The following ADNP variants were observed in gnomAD, a reference collection of about 807,000 sequenced individuals.
ADNP encodes the protein activity-dependent neuroprotector homeobox protein.
Under a neutral mutation model 84.9 loss-of-function variants are expected in ADNP, and 4 were observed. The ratio of observed to expected loss-of-function variants is 0.05; its 90% CI spans 0.02 to 0.11. The LOEUF (loss-of-function observed/expected upper bound fraction) is 0.11, where lower values mean the gene tolerates loss of function less well. Among genes scored for constraint, ADNP ranks in the 10% least tolerant of loss-of-function variants. ADNP has a pLI of 1.00. For synonymous variants in ADNP, 554 were observed against 468.1 expected (o/e 1.18, Z -2.37); for missense variants, 1,132 against 1,326.0 (o/e 0.85, Z 2.27).
In ADNP at chr20:50,891,666, CTTT is replaced by C. The variant is rs761350619; in HGVS notation, c.3045_3047del (p.Lys1016del). 7.4e-6 allele frequency: 12 copies of C among 1,613,662 alleles called. No individual in the cohort carries two copies. Among genetic ancestry groups the C allele is most frequent in the Admixed American group, 1.7e-5 (1 of 59,944 alleles). On this transcript the variant is annotated inframe_deletion, in exon 6 of 6. Coordinates refer to ENST00000621696, the MANE Select transcript of ADNP (RefSeq NM_001282531.3). ...GCTCTCTGTCACCTTGCATGGTAGC[CTTT>C]TTTTTGGCAGCTGGCTTACTGCTCC...
At chr20:50,897,053 T>C (rs1362563621) in intron 5 of ADNP, among the ~76,000 whole-genome samples, 2 of 152,228 alleles carry the variant, frequency 1.3e-5, no homozygotes, top group East Asian at 1.9e-4. Context: ...GCGATTCTCC[T>C]GCCTCAGCCT....
chr20:50,904,264 C>T (rs986967924), intron 3 of ADNP: 7 of 402,478 alleles, frequency 1.7e-5, no homozygotes, highest in African/African-American at 4.1e-5. Context: ...ACTCATGGTT[C>T]ATTGACTGCA....
chr20:50,925,800 CT>C (rs2123003840), intron 2 of ADNP, among the ~76,000 whole-genome samples: 1 of 152,308 alleles, frequency 6.6e-6, no homozygotes, highest in Non-Finnish European at 1.5e-5. Context: ...ATCACAAGCT[CT>C]TACAAAACTA....
At chr20:50,914,488 C>A (rs925376651) in intron 2 of ADNP, 7 of 350,268 alleles carry the variant, frequency 2.0e-5, no homozygotes, top group South Asian at 5.5e-5. Context: ...ACATCATCTA[C>A]AAATGTTTTC....
At chr20:50,925,126 C>T (rs1310591850) in intron 2 of ADNP, among the ~76,000 whole-genome samples, 8 of 152,110 alleles carry the variant, frequency 5.3e-5, no homozygotes, top group Admixed American at 5.2e-4. Flanking sequence ...AATTAATACA[C>T]AGAGATGACA....
At chr20:50,905,845 T>C (rs1982423794) in intron 2 of ADNP, among the ~76,000 whole-genome samples, 2 of 152,246 alleles carry the variant, frequency 1.3e-5, no homozygotes, top group Admixed American at 1.3e-4. Context: ...CCAAATTTTA[T>C]TGCTAAATTG....
At chr20:50,917,858 G>C (rs1164480815) in intron 2 of ADNP, among the ~76,000 whole-genome samples, 2 of 152,042 alleles carry the variant, frequency 1.3e-5, no homozygotes, top group Middle Eastern at 3.2e-3. Context: ...CCACATAATG[G>C]GATATGATTG....
Position 50,931,406 on chromosome 20 carries a change from A to C in ADNP, c.-845T>G, listed in dbSNP as rs1305458483. ...CAAGCGCCTCGGACCGAGTCCCCGAACCTGCCCTAGCCAAAATGGCGGCCG... is the reference window on the plus strand; with the variant it reads ...CAAGCGCCTCGGACCGAGTCCCCGACCCTGCCCTAGCCAAAATGGCGGCCG... On this transcript the variant is annotated 5_prime_UTR_variant, in exon 1 of 6. Coordinates refer to ENST00000621696, the MANE Select transcript of ADNP (RefSeq NM_001282531.3). 6.6e-6 allele frequency: 1 copy of C among 152,494 alleles called. No individual in the cohort carries two copies. The allele number at this position is 152,494 out of a possible 1,614,324, so 9.4% of individuals were successfully genotyped here.
chr20:50,922,342 C>A (rs1984008654), intron 2 of ADNP, among the ~76,000 whole-genome samples: 1 of 152,192 alleles, frequency 6.6e-6, no homozygotes, highest in African/African-American at 2.4e-5. Context: ...AAGTCTGGGC[C>A]TCCAGAACTT....
intron 2 of ADNP, 76 bp from the exon 3 acceptor site, chr20:50,904,925 G>A (rs1018841623): frequency 2.6e-5 from 4 of 152,088 alleles, no homozygotes; most frequent in African/African-American, 7.2e-5. Context: ...ACTAAATACA[G>A]TAATGATATG....
intron 2 of ADNP, among the ~76,000 whole-genome samples, chr20:50,913,346 T>A (rs868226744): frequency 1.4e-5 from 2 of 138,768 alleles, no homozygotes; most frequent in East Asian, 4.7e-4. Flanking sequence ...TACTACAATA[T>A]AAACAATTTC....
intron 2 of ADNP, among the ~76,000 whole-genome samples, chr20:50,919,315 A>ATATATATATATATATATATATC (rs1555815826): frequency 6.8e-6 from 1 of 147,482 alleles, no homozygotes; most frequent in Non-Finnish European, 1.5e-5. Flanking sequence ...ATATATATAT[A>ATATATATATATATATATATATC]TGTAAAAAGC....
chr20:50,922,087 T>C (rs1983991053), intron 2 of ADNP, among the ~76,000 whole-genome samples: 1 of 152,206 alleles, frequency 6.6e-6, no homozygotes, highest in Non-Finnish European at 1.5e-5. Flanking sequence ...AATTCACAAG[T>C]AGCCCTTAAG....
chr20:50,893,505 T>C lies in ADNP; in HGVS notation c.1209A>G (p.Ser403=). 1.9e-6 allele frequency: 3 copies of C among 1,613,900 alleles called. No individual in the cohort carries two copies. In the East Asian group the frequency reaches 6.7e-5, roughly 36 times the overall value. ...GGGAAGGAGACTTTAACTGGCCCGA[T>C]GAGAGAGAAGAGGCATTAGCAGACT... ...SLQSANASSL[S]SGQLKSPSLS... is the part of the protein sequence containing the mutation. Residue 403 remains serine (S), a synonymous_variant, in exon 6 of 6, where the codon TCA becomes TCG. Transcript: ENST00000621696. The surrounding 1 kb of genome is among the most constrained non-coding windows in gnomAD (Gnocchi z 4.4).
chr20:50,907,573 G>C (rs759051981), intron 2 of ADNP, among the ~76,000 whole-genome samples: 14 of 151,520 alleles, frequency 9.2e-5, no homozygotes, highest in Admixed American at 5.3e-4. Flanking sequence ...GGCCAGGAAT[G>C]TATGTTCATG....
intron 1 of ADNP, 25 bp downstream of exon 1, chr20:50,930,801 C>A (rs1984679376): frequency 1.3e-5 from 2 of 149,070 alleles, no homozygotes; most frequent in South Asian, 3.6e-4. Context: ...GGCCGCGGGT[C>A]CGCGCGCGGC....
At chr20:50,910,871 C>A (rs934287152) in intron 2 of ADNP, among the ~76,000 whole-genome samples, 2 of 152,064 alleles carry the variant, frequency 1.3e-5, no homozygotes, top group Non-Finnish European at 2.9e-5. Context: ...CCAGGCTGGT[C>A]TCCAACTCTT....
intron 2 of ADNP, among the ~76,000 whole-genome samples, chr20:50,918,049 A>G (rs1983647142): frequency 6.6e-6 from 1 of 152,232 alleles, no homozygotes. Flanking sequence ...GGGCTGGGTA[A>G]AGGAAGAAAA....
chr20:50,895,832 A>G (rs767106403), intron 5 of ADNP, among the ~76,000 whole-genome samples: 7 of 152,198 alleles, frequency 4.6e-5, no homozygotes, highest in Non-Finnish European at 1.0e-4. Flanking sequence ...CGAGCCCTAA[A>G]AAATATTTTT....
Sources: gnomAD v4.1 joint callset for allele counts (sites outside exome capture counted in the v4.1 genomes callset) on GRCh38, gnomAD v4.1.1 for gene constraint, Gnocchi (gnomAD v3.1) non-coding constraint, MANE v1.5 for transcripts, NCBI Gene and HGNC (gene_info 2026-07-23, HGNC 2026-07-21) for gene names.